The following LAMA2 variants were observed in gnomAD, a reference collection of about 807,000 sequenced individuals.
LAMA2 encodes the protein laminin subunit alpha-2.
A neutral mutation model predicts 364.8 loss-of-function variants in LAMA2; 269 were observed. The observed-to-expected ratio is 0.74, with a 90% CI of 0.67 to 0.82. The LOEUF (loss-of-function observed/expected upper bound fraction) is 0.82. Among genes scored for constraint, LAMA2 ranks in the 40% least tolerant of loss-of-function variants. LAMA2 has a pLI of 0.00. For synonymous variants in LAMA2, 1,379 were observed against 1,370.6 expected (o/e 1.01, Z -0.14); for missense variants, 3,807 against 3,873.2 (o/e 0.98, Z 0.45).
In LAMA2 at chr6:129,491,979, G is replaced by A. The variant is rs201597970; in HGVS notation, c.7977G>A (p.Lys2659=). Residue 2659 remains lysine, a synonymous_variant, in exon 57 of 65, where the codon AAG becomes AAA. Coordinates refer to ENST00000421865, the MANE Select transcript of LAMA2 (RefSeq NM_000426.4). ...LTVEQPIEVK[K]LFVGGAPPEF... is the part of the protein sequence containing the mutation. Reference sequence around the variant, plus strand: ...TTGAACAGCCTATCGAAGTTAAAAAGCTTTTCGTTGGGGGTGCTCCACCTG... The same window carrying A: ...TTGAACAGCCTATCGAAGTTAAAAAACTTTTCGTTGGGGGTGCTCCACCTG... The A allele has an allele frequency of 3.7e-6, 6 of 1,614,036 alleles. No individual in the cohort carries two copies. The highest frequency in any genetic ancestry group is 2.2e-5 in the East Asian group (1 of 44,854).
chr6:129,057,368 T>A (rs1309073540), intron 2 of LAMA2, among the ~76,000 whole-genome samples: 1 of 152,182 alleles, frequency 6.6e-6, no homozygotes, highest in African/African-American at 2.4e-5. Flanking sequence ...ATAGAAAGGA[T>A]ACAATTTAAA....
chr6:129,165,703 T>C, intron 9 of LAMA2, 28 bp downstream of exon 9: 2 of 1,406,552 alleles, frequency 1.4e-6, no homozygotes, highest in Non-Finnish European at 2.0e-6. Flanking sequence ...ATGTCACTGC[T>C]CTGATAAAAG....
intron 1 of LAMA2, among the ~76,000 whole-genome samples, chr6:129,034,119 C>T (rs914721114): frequency 6.6e-6 from 1 of 152,068 alleles, no homozygotes; most frequent in African/African-American, 2.4e-5. Context: ...ATAGTATGAA[C>T]CTGTTTCTTG....
chr6:129,100,141 A>G (rs1775438488), intron 4 of LAMA2, among the ~76,000 whole-genome samples: 1 of 152,236 alleles, frequency 6.6e-6, no homozygotes, highest in Non-Finnish European at 1.5e-5. Flanking sequence ...TACCCTACCC[A>G]TTCTCTCCCT....
At chr6:129,104,767 C>T (rs533176102) in intron 4 of LAMA2, among the ~76,000 whole-genome samples, 188 of 152,234 alleles carry the variant, frequency 1.2e-3, no homozygotes, top group Admixed American at 2.6e-3. Context: ...GGTTTGGCCC[C>T]TTCTCTGCCC....
intron 12 of LAMA2, among the ~76,000 whole-genome samples, chr6:129,207,790 A>G (rs1312395123): frequency 2.0e-5 from 3 of 151,052 alleles, no homozygotes; most frequent in African/African-American, 4.9e-5. Context: ...ACCCCTGAGA[A>G]AAAAAAAAAC....
chr6:128,927,511 C>T (rs1200799081), intron 1 of LAMA2, among the ~76,000 whole-genome samples: 2 of 152,040 alleles, frequency 1.3e-5, no homozygotes, highest in African/African-American at 2.4e-5. Context: ...TATCCTTATT[C>T]GCATATTCCT....
intron 4 of LAMA2, 22 bp downstream of exon 4, chr6:129,098,437 T>C: frequency 6.2e-7 from 1 of 1,613,342 alleles, no homozygotes; most frequent in Non-Finnish European, 8.5e-7. Flanking sequence ...AAACTCACCA[T>C]TTAAGCACAT....
Position 129,402,315 on chromosome 6 carries a change from A to C in LAMA2, c.5563-9A>C. ...ACTTGCTTAAAATGCCCTCTTCTCT[A>C]CATATCAGTATGTTGAAGACATCCA... On this transcript the variant is annotated splice_polypyrimidine_tract_variant and intron_variant, in intron 38 of 64. Transcript: ENST00000421865. The C allele has an allele frequency of 6.2e-7, 1 of 1,611,990 alleles. No individual in the cohort carries two copies. The highest frequency in any genetic ancestry group is 8.5e-7 in the Non-Finnish European group (1 of 1,178,262).
chr6:129,262,182 A>T (rs1787184772), intron 15 of LAMA2, among the ~76,000 whole-genome samples: 1 of 152,130 alleles, frequency 6.6e-6, no homozygotes. Context: ...TCTCTCCTTC[A>T]AAAATATTTT....
chr6:129,188,892 T>C (rs1781375869), intron 10 of LAMA2, among the ~76,000 whole-genome samples: 1 of 152,026 alleles, frequency 6.6e-6, no homozygotes, highest in African/African-American at 2.4e-5. Flanking sequence ...TTATATGTTC[T>C]CAGATTTTAT....
chr6:129,313,710 A>T (rs1264183453), intron 23 of LAMA2, among the ~76,000 whole-genome samples: 3 of 152,198 alleles, frequency 2.0e-5, no homozygotes, highest in Non-Finnish European at 2.9e-5. Flanking sequence ...TCCAGGATAA[A>T]TGCAGTTTAA....
rs1319524211 is a variant in LAMA2, at chr6:129,291,696, G to A, written c.2832G>A (p.Gln944=). The A allele has an allele frequency of 2.5e-6, 4 of 1,613,770 alleles. No homozygotes were observed. In the South Asian group the frequency reaches 3.3e-5, roughly 13 times the overall value. Residue 944 remains glutamine (Q), a synonymous_variant, in exon 20 of 65, where the codon CAG becomes CAA. Transcript: ENST00000421865. ...AGTGTGAGTGCAGAGCCAACGTTCA[G>A]GGTCAGAGATGTGACAAATGCAAGG... ...TGQCECRANV[Q]GQRCDKCKAG...
At chr6:128,903,623 A>C (rs939783659) in intron 1 of LAMA2, among the ~76,000 whole-genome samples, 1 of 152,334 alleles carries the variant, frequency 6.6e-6, no homozygotes, top group Admixed American at 6.5e-5. Context: ...GTGGACATTA[A>C]GCTGTAATTG....
At chr6:128,942,187 C>T (rs978686822) in intron 1 of LAMA2, among the ~76,000 whole-genome samples, 54 of 152,034 alleles carry the variant, frequency 3.6e-4, no homozygotes, top group African/African-American at 1.2e-3. Flanking sequence ...CCATAACTTT[C>T]GTGTTTTTTC....
chr6:128,929,138 G>C (rs1232426680), intron 1 of LAMA2: 13 of 1,428,754 alleles, frequency 9.1e-6, no homozygotes, highest in Non-Finnish European at 1.3e-5. Flanking sequence ...CTCTGGATAG[G>C]GATTTACAGG....
chr6:129,071,559 A>G (rs12210785), intron 3 of LAMA2, among the ~76,000 whole-genome samples: 39,849 of 151,962 alleles, frequency 0.26, 5,377 homozygotes, highest in African/African-American at 0.31. Flanking sequence ...TTGCCTCTAC[A>G]TAGGGCTTTA....
At chr6:129,123,222 T>G (rs937148109) in intron 4 of LAMA2, among the ~76,000 whole-genome samples, 2 of 151,020 alleles carry the variant, frequency 1.3e-5, no homozygotes, top group African/African-American at 4.9e-5. Context: ...AGAAGAATTG[T>G]GTGAACCGGG....
At chr6:129,125,171 AG>A (rs1777038419) in intron 4 of LAMA2, among the ~76,000 whole-genome samples, 1 of 152,184 alleles carries the variant, frequency 6.6e-6, no homozygotes, top group South Asian at 2.1e-4. Context: ...AGCAAAGGGA[AG>A]GATTGAGTTG....
Sources: allele counts gnomAD v4.1 joint callset (sites outside exome capture counted in the v4.1 genomes callset), GRCh38; gene constraint gnomAD v4.1.1; transcripts MANE v1.5; gene names NCBI Gene and HGNC (gene_info 2026-07-23, HGNC 2026-07-21).